TUBGCP6: variants seen among roughly 807,000 people sequenced by gnomAD.
TUBGCP6 encodes the protein gamma-tubulin complex component 6.
A neutral mutation model predicts 175.8 loss-of-function variants in TUBGCP6; 161 were observed. That is an observed-to-expected ratio of 0.92 (90% confidence interval 0.81 to 1.04). The LOEUF (loss-of-function observed/expected upper bound fraction) is 1.04. Among genes scored for constraint, TUBGCP6 ranks in the 50% least tolerant of loss-of-function variants. The probability of loss-of-function intolerance (pLI) is 0.00; values close to 1 mark genes in which losing one functional copy is unlikely to be tolerated. For missense variants in TUBGCP6, 2,572 were observed against 2,433.0 expected (o/e 1.06, Z -1.20); for synonymous variants, 1,173 against 1,030.5 (o/e 1.14, Z -2.65).
chr22:50,243,632 A>AAAAAAAAG, intron 1 of TUBGCP6, 87 bp downstream of exon 1: 1 of 953,114 alleles, frequency 1.0e-6, no homozygotes, highest in Non-Finnish European at 1.4e-6. Flanking sequence ...AAAAAAAAAA[A>AAAAAAAAG]AAGAAGAAGA....
intron 4 of TUBGCP6, 118 bp downstream of exon 4, chr22:50,229,286 A>G (rs1376645682): frequency 4.3e-6 from 5 of 1,158,960 alleles, no homozygotes; most frequent in Admixed American, 5.3e-5. Context: ...AGATGTTAGC[A>G]AGGAAAGAAA....
Position 50,240,320 on chromosome 22 carries a change from C to T in TUBGCP6, c.789G>A (p.Ala263=), listed in dbSNP as rs149214603. The stretch of plus-strand genomic sequence containing the variant: ...ACTGGGAATCAGGAGTCAAGTTGGA[C>T]GCTGACTGGAATCCTTCGTCTTCCC... ...DQWEDEGFQS[A]SNLTPDSQSE... The change falls in exon 2 of 25, where the codon GCG becomes GCA. Residue 263 remains alanine, a synonymous_variant. Transcript: ENST00000248846. 3.7e-6 allele frequency: 6 copies of T among 1,613,866 alleles called. No individual in the cohort carries two copies. The highest frequency in any genetic ancestry group is 2.2e-5 in the East Asian group (1 of 44,890).
intron 2 of TUBGCP6, among the ~76,000 whole-genome samples, chr22:50,234,380 C>G (rs112553260): frequency 1.2e-4 from 17 of 146,662 alleles, no homozygotes; most frequent in African/African-American, 3.8e-4. Context: ...CCCAGGTCCA[C>G]GGCAGCATCA....
At chr22:50,238,669 C>A (rs2064806008) in intron 2 of TUBGCP6, among the ~76,000 whole-genome samples, 1 of 151,604 alleles carries the variant, frequency 6.6e-6, no homozygotes, top group African/African-American at 2.4e-5. Flanking sequence ...TCCCCAGTAG[C>A]TGGGACCACA....
intron 10 of TUBGCP6, among the ~76,000 whole-genome samples, 158 bp downstream of exon 10, chr22:50,225,613 GTTGACACCCACCCTTCATCTCAA>G (rs1569115705): frequency 2.8e-4 from 18 of 64,078 alleles, no homozygotes; most frequent in African/African-American, 6.4e-4. Context: ...TCAACTCCCC[GTTGACACCCACCCTTCATCTCAA>G]CTCCCCCTTG....
At chr22:50,229,622 G>A in intron 3 of TUBGCP6, 45 bp from the exon 4 acceptor site, 1 of 1,538,318 alleles carries the variant, frequency 6.5e-7, no homozygotes, top group South Asian at 1.2e-5. Context: ...CAGGCACCCA[G>A]ACCCCCAGTA....
intron 20 of TUBGCP6, 45 bp from the exon 21 acceptor site, chr22:50,218,942 G>A (rs771535295): frequency 6.3e-7 from 1 of 1,590,566 alleles, no homozygotes; most frequent in Non-Finnish European, 8.6e-7. Context: ...CCAAGCACAT[G>A]CCTGGCACTC....
chr22:50,218,334 G>A lies in TUBGCP6; in HGVS notation c.5023C>T (p.His1675Tyr), dbSNP rs1317961726. The A allele has an allele frequency of 2.5e-6, 4 of 1,612,986 alleles. No individual in the cohort carries two copies. Among genetic ancestry groups the A allele is most frequent in the Non-Finnish European group, 3.4e-6 (4 of 1,180,000 alleles). The change falls in exon 23 of 25, where the codon CAT becomes TAT. Residue 1675 changes from histidine (H) to tyrosine (Y), a missense_variant. Transcript: ENST00000248846. ...QLQLFKHEMQ[H>Y]FVKVIQGYIA... is the part of the protein sequence containing the mutation. The stretch of plus-strand genomic sequence containing the variant: ...TAGCCCTGGATGACCTTCACGAAAT[G>A]CTGCATCTCGTGCTTGAACAGCTGC...
intron 3 of TUBGCP6, among the ~76,000 whole-genome samples, chr22:50,230,802 G>A (rs1280283337): frequency 6.7e-6 from 1 of 149,706 alleles, no homozygotes; most frequent in Non-Finnish European, 1.5e-5. Flanking sequence ...AAGAAAAACA[G>A]GCTGGACGCA....
At position 50,226,167 on chromosome 22, in the gene TUBGCP6, G is replaced by A. The variant is rs1163635070; in HGVS notation, c.1716C>T (p.Gly572=). 5 of 1,614,034 alleles carry A rather than the reference G, an allele frequency of 3.1e-6. No individual in the cohort carries two copies. The Admixed American group carries it at 6.7e-5, about 22-fold the overall frequency. ...CCACCTCTTTGGAGATGAGCACGTA[G>A]CCATGTGTCCAGTACAACTTATCTA... The part of the protein sequence containing the change: ...SFRDKLYWTH[G]YVLISKEVED... Residue 572 remains glycine (G), a synonymous_variant, in exon 9 of 25, where the codon GGC becomes GGT. Transcript: ENST00000248846.
In TUBGCP6 at chr22:50,218,236, C is replaced by T; in HGVS notation, c.5121G>A (p.Glu1707=). The change falls in exon 23 of 25, where the codon GAG becomes GAA. Residue 1707 remains glutamate, a synonymous_variant. Coordinates refer to ENST00000248846, the MANE Select transcript of TUBGCP6 (RefSeq NM_020461.4). The part of the protein sequence containing the change: ...RARLATVGDL[E]EIQRAHAEYL... ...ACTCTGCGTGCGCACGCTGGATCTCCTCCAGGTCGCCCACGGTGGCCAACC... is the reference window on the plus strand; with the variant it reads ...ACTCTGCGTGCGCACGCTGGATCTCTTCCAGGTCGCCCACGGTGGCCAACC... 1.2e-6 allele frequency: 2 copies of T among 1,612,964 alleles called. No homozygotes were observed. Among genetic ancestry groups the T allele is most frequent in the Non-Finnish European group, 1.7e-6 (2 of 1,179,938 alleles).
At chr22:50,231,081 CAAA>C (rs35669469) in intron 3 of TUBGCP6, among the ~76,000 whole-genome samples, 1 of 22,820 alleles carries the variant, frequency 4.4e-5, no homozygotes. Context: ...GACTCTATCT[CAAA>C]AAAAAAAAAA....
chr22:50,237,182 G>A (rs866787206), intron 2 of TUBGCP6, among the ~76,000 whole-genome samples: 2 of 152,214 alleles, frequency 1.3e-5, no homozygotes, highest in African/African-American at 2.4e-5. Flanking sequence ...GTGAGCAGTC[G>A]GACAATGGTG....
Position 50,221,569 on chromosome 22 carries a change from G to C in TUBGCP6, c.2790C>G (p.Pro930=). The change falls in exon 16 of 25, where the codon CCC becomes CCG. Residue 930 remains proline (P), a synonymous_variant. Transcript: ENST00000248846. ...CGGGTGCCTCCCCAGGAGCTGAGGG[G>C]GGCAGGTCCAAGTTAATGGTCTGCA... is the stretch of plus-strand genomic sequence containing the variant. ...VALQTINLDL[P]PSAPGEAPAA... The C allele has an allele frequency of 6.3e-7, 1 of 1,586,826 alleles. No homozygotes were observed. The highest frequency in any genetic ancestry group is 8.6e-7 in the Non-Finnish European group (1 of 1,164,490).
chr22:50,236,016 A>G (rs537799023), intron 2 of TUBGCP6, among the ~76,000 whole-genome samples: 1 of 152,198 alleles, frequency 6.6e-6, no homozygotes, highest in South Asian at 2.1e-4. Context: ...CTTGCTGTGC[A>G]GCAGTGAAAA....
intron 2 of TUBGCP6, among the ~76,000 whole-genome samples, chr22:50,239,557 A>G (rs2064815306): frequency 6.6e-6 from 1 of 152,262 alleles, no homozygotes; most frequent in Admixed American, 6.5e-5. Context: ...TGCTGAGTGC[A>G]GAGGCCTCTG....
At chr22:50,232,549 CCT>C (rs1431210989) in intron 3 of TUBGCP6, among the ~76,000 whole-genome samples, 2 of 151,184 alleles carry the variant, frequency 1.3e-5, no homozygotes, top group African/African-American at 4.9e-5. Flanking sequence ...AGAGAGAGAC[CCT>C]GTCTCAAAAA....
intron 2 of TUBGCP6, among the ~76,000 whole-genome samples, chr22:50,235,983 A>G (rs1273078437): frequency 6.6e-6 from 1 of 151,916 alleles, no homozygotes; most frequent in African/African-American, 2.4e-5. Flanking sequence ...GAGCTGTTTA[A>G]TGGGTTCAGA....
At position 50,233,445 on chromosome 22, in the gene TUBGCP6, C is replaced by T; in HGVS notation, c.987G>A (p.Gly329=). 6.2e-7 allele frequency: 1 copy of T among 1,613,552 alleles called. No homozygotes were observed. Among genetic ancestry groups the T allele is most frequent in the Non-Finnish European group, 8.5e-7 (1 of 1,179,774 alleles). Residue 329 remains glycine (G), a synonymous_variant, in exon 3 of 25, where the codon GGG becomes GGA. Transcript: ENST00000248846. ...CGCCCCCAGCAAGCAGCTGGAGCTC[C>T]CCTTGGTGGAGCCTGCAGAACTTGT... is the stretch of plus-strand genomic sequence containing the variant. ...AFDKFCRLHQ[G]ELQLLAGGVL...
Sources: allele counts gnomAD v4.1 joint callset (sites outside exome capture counted in the v4.1 genomes callset), GRCh38; gene constraint gnomAD v4.1.1; transcripts MANE v1.5; gene names NCBI Gene and HGNC (gene_info 2026-07-23, HGNC 2026-07-21).